The following NR5A2 variants were observed in gnomAD, a reference collection of about 807,000 sequenced individuals.
NR5A2 encodes the protein nuclear receptor subfamily 5 group A member 2, also known as CYP7A promoter-binding factor.
NR5A2 carries 26 observed loss-of-function variants against 62.7 expected under a neutral mutation model. The observed-to-expected ratio is 0.41, with a 90% CI of 0.30 to 0.58. The LOEUF (loss-of-function observed/expected upper bound fraction) is 0.58, where lower values mean the gene tolerates loss of function less well. NR5A2 is among the 20% of genes least tolerant of loss of function. The pLI, the probability that NR5A2 is intolerant of heterozygous loss-of-function variation, is 0.22. For synonymous variants in NR5A2, 246 were observed against 241.7 expected (o/e 1.02, Z -0.16); for missense variants, 541 against 669.1 (o/e 0.81, Z 2.11).
intron 5 of NR5A2, among the ~76,000 whole-genome samples, chr1:200,050,982 ACAATG>A (rs1293201056): frequency 6.6e-6 from 1 of 152,234 alleles, no homozygotes; most frequent in Non-Finnish European, 1.5e-5. Flanking sequence ...TAGGATCAAA[ACAATG>A]CAATTATAGT....
At chr1:200,109,373 TG>T (rs1665834307) in intron 5 of NR5A2, among the ~76,000 whole-genome samples, 1 of 152,218 alleles carries the variant, frequency 6.6e-6, no homozygotes, top group Non-Finnish European at 1.5e-5. Context: ...TGCATTTGTG[TG>T]TTGCTTTACA....
chr1:200,056,693 G>C (rs920354925), intron 5 of NR5A2, among the ~76,000 whole-genome samples: 1 of 152,152 alleles, frequency 6.6e-6, no homozygotes, highest in Non-Finnish European at 1.5e-5. Flanking sequence ...TCCATGGGGC[G>C]CTGGGATATT....
intron 5 of NR5A2, among the ~76,000 whole-genome samples, chr1:200,096,454 CTG>C (rs1267585491): frequency 1.3e-5 from 2 of 152,160 alleles, no homozygotes; most frequent in Non-Finnish European, 2.9e-5. Flanking sequence ...GGAAAACAGA[CTG>C]TGGTATGTAT....
chr1:200,117,385 T>C (rs774686009), intron 6 of NR5A2, among the ~76,000 whole-genome samples: 2 of 152,240 alleles, frequency 1.3e-5, no homozygotes, highest in Non-Finnish European at 2.9e-5. Context: ...AAGCCCCCAT[T>C]TAATAAGCAT....
Position 200,045,468 on chromosome 1 carries a change from A to G in NR5A2, c.347A>G (p.Asn116Ser). The change falls in exon 4 of 8, where the codon AAT becomes AGT. Residue 116 changes from asparagine (N) to serine (S), a missense_variant. By Grantham distance (46) the Asn-to-Ser change is conservative (BLOSUM62 1). Coordinates refer to ENST00000367362, the MANE Select transcript of NR5A2 (RefSeq NM_205860.3). ...CKGFFKRTVQNNKRYTCIENQ... is the reference protein window; with the variant it reads ...CKGFFKRTVQSNKRYTCIENQ... ...GGATTTTTTAAGCGAACAGTCCAAA[A>G]TAATAAAAGGTACACATGTATAGAA... The G allele has an allele frequency of 6.2e-7, 1 of 1,610,516 alleles. No homozygotes were observed. The highest frequency in any genetic ancestry group is 8.5e-7 in the Non-Finnish European group (1 of 1,178,474).
intron 5 of NR5A2, among the ~76,000 whole-genome samples, chr1:200,108,823 G>A (rs937764894): frequency 2.6e-5 from 4 of 152,174 alleles, no homozygotes; most frequent in Admixed American, 1.3e-4. Flanking sequence ...TAGCACCTGA[G>A]AGGATCAGTT....
intron 5 of NR5A2, among the ~76,000 whole-genome samples, chr1:200,099,835 A>T (rs1362776232): frequency 6.6e-6 from 1 of 151,918 alleles, no homozygotes; most frequent in Non-Finnish European, 1.5e-5. Context: ...CTCGTGATCC[A>T]CCCACCTCGG....
intron 5 of NR5A2, among the ~76,000 whole-genome samples, chr1:200,066,834 C>T (rs1480868077): frequency 6.6e-6 from 1 of 152,152 alleles, no homozygotes; most frequent in African/African-American, 2.4e-5. Context: ...GTGATCTGCC[C>T]ACCTCGGCCT....
intron 5 of NR5A2, among the ~76,000 whole-genome samples, chr1:200,057,343 T>A (rs1028215832): frequency 2.6e-5 from 4 of 152,192 alleles, no homozygotes; most frequent in Non-Finnish European, 5.9e-5. Flanking sequence ...GAGCACAGTG[T>A]ATGGTCATTT....
intron 7 of NR5A2, among the ~76,000 whole-genome samples, chr1:200,126,982 G>A (rs1323276387): frequency 1.3e-5 from 2 of 152,092 alleles, no homozygotes; most frequent in Non-Finnish European, 2.9e-5. Flanking sequence ...AGGAAGTGGT[G>A]GTGATGCTTT....
chr1:200,036,508 GCCGCCC>G (rs1661786109), intron 1 of NR5A2, among the ~76,000 whole-genome samples: 1 of 152,194 alleles, frequency 6.6e-6, no homozygotes. Flanking sequence ...GCCTGGTGCC[GCCGCCC>G]CTGCCTCTGC....
chr1:200,057,504 G>C (rs147191870), intron 5 of NR5A2: 4,873 of 229,090 alleles, frequency 0.021, 88 homozygotes, highest in Non-Finnish European at 0.03. Flanking sequence ...TTTGAGACAG[G>C]GTCTCACTCT....
At chr1:200,053,049 A>T (rs1558107878) in intron 5 of NR5A2, among the ~76,000 whole-genome samples, 2 of 152,332 alleles carry the variant, frequency 1.3e-5, no homozygotes, top group African/African-American at 4.8e-5. Context: ...GAAATTTGGT[A>T]GGTTGTTTTG....
chr1:200,143,577 C>T (rs1036838367), intron 7 of NR5A2, among the ~76,000 whole-genome samples: 2 of 151,872 alleles, frequency 1.3e-5, no homozygotes, highest in Non-Finnish European at 2.9e-5. Flanking sequence ...ACTTTAGGCC[C>T]CAACACCCTT....
intron 5 of NR5A2, among the ~76,000 whole-genome samples, chr1:200,060,602 G>A (rs1481767571): frequency 1.3e-5 from 2 of 152,056 alleles, no homozygotes; most frequent in African/African-American, 4.8e-5. Flanking sequence ...TAGGTGTAAG[G>A]GTTTCTGTCC....
chr1:200,040,861 G>A (rs1662035314), intron 2 of NR5A2, among the ~76,000 whole-genome samples: 1 of 152,240 alleles, frequency 6.6e-6, no homozygotes, highest in Non-Finnish European at 1.5e-5. Context: ...GGGAAAATAC[G>A]TAGCTGGAGG....
intron 5 of NR5A2, among the ~76,000 whole-genome samples, chr1:200,066,211 G>A (rs949136021): frequency 9.2e-5 from 14 of 152,130 alleles, no homozygotes; most frequent in Non-Finnish European, 4.4e-5. Context: ...GGAGATGGGG[G>A]AGAAGTTGAT....
chr1:200,081,501 T>C (rs1236427938), intron 5 of NR5A2, among the ~76,000 whole-genome samples: 1 of 152,176 alleles, frequency 6.6e-6, no homozygotes, highest in East Asian at 1.9e-4. Flanking sequence ...GTCTTCCACA[T>C]CTGTCAAAGT....
intron 7 of NR5A2, among the ~76,000 whole-genome samples, chr1:200,133,368 A>G (rs1002379706): frequency 2.0e-5 from 3 of 151,960 alleles, no homozygotes; most frequent in Non-Finnish European, 2.9e-5. Context: ...CATAAAGGTC[A>G]GTGTGTCCTG....
Sources: allele counts gnomAD v4.1 joint callset (sites outside exome capture counted in the v4.1 genomes callset), GRCh38; gene constraint gnomAD v4.1.1; transcripts MANE v1.5; gene names NCBI Gene and HGNC (gene_info 2026-07-23, HGNC 2026-07-21).